The following TTLL2 variants were observed in gnomAD, a reference collection of about 807,000 sequenced individuals.
TTLL2 encodes the protein probable tubulin polyglutamylase TTLL2.
In TTLL2, 10 loss-of-function variants were observed where a neutral mutation model predicts 7.5. The observed-to-expected ratio is 1.33, with a 90% CI of 0.82 to 2.25. The LOEUF (loss-of-function observed/expected upper bound fraction) is 2.25. Ranked by LOEUF, TTLL2 falls within the 30% of genes most tolerant of loss-of-function variation. TTLL2 has a pLI of 0.00. For synonymous variants in TTLL2, 284 were observed against 280.3 expected (o/e 1.01, Z -0.13); for missense variants, 733 against 735.7 (o/e 1.00, Z 0.04).
At chr6:167,330,547 G>A (rs1291802742) in intron 1 of TTLL2, among the ~76,000 whole-genome samples, 2 of 149,302 alleles carry the variant, frequency 1.3e-5, no homozygotes, top group East Asian at 3.9e-4. Flanking sequence ...GGACAAAAGC[G>A]AAAATCCATC....
At position 167,342,515 on chromosome 6, in the gene TTLL2, G is replaced by A. The variant is rs561689838; in HGVS notation, c.*836G>A. ...TCAAAAGCAGATTGGTGGCTTAGGGGAGGGGTAATGAGGAGTGCCTACTGA... is the reference window on the plus strand; with the variant it reads ...TCAAAAGCAGATTGGTGGCTTAGGGAAGGGGTAATGAGGAGTGCCTACTGA... On this transcript the variant is annotated 3_prime_UTR_variant, in exon 3 of 3. Transcript: ENST00000239587. 6.6e-6 allele frequency among the ~76,000 whole-genome samples: 1 copy of A among 152,320 alleles called. No individual in the cohort carries two copies. Among genetic ancestry groups the A allele is most frequent in the South Asian group, 2.1e-4 (1 of 4,830 alleles).
Position 167,340,112 on chromosome 6 carries a change from C to T in TTLL2, c.212C>T (p.Pro71Leu), listed in dbSNP as rs201510912. 1.1e-5 allele frequency: 17 copies of T among 1,567,844 alleles called. No homozygotes were observed. Among genetic ancestry groups the T allele is most frequent in the Admixed American group, 1.9e-5 (1 of 53,352 alleles). Residue 71 changes from proline to leucine, a missense_variant, in exon 3 of 3, where the codon CCT becomes CTT. Pro to Leu is a moderately conservative substitution (Grantham distance 98, BLOSUM62 -3). Coordinates refer to ENST00000239587, the MANE Select transcript of TTLL2 (RefSeq NM_031949.5). Reference protein sequence around the residue: ...PTPTLEKKKKPHLMAEDEPSG... With the variant: ...PTPTLEKKKKLHLMAEDEPSG... ...TCAATGATCCATTTTTAGAAAAAAC[C>T]TCATTTGATGGCGGAAGATGAACCT...
At chr6:167,338,488 CTTA>C (rs1267854437) in intron 1 of TTLL2, among the ~76,000 whole-genome samples, 156 bp from the exon 2 acceptor site, 29 of 111,722 alleles carry the variant, frequency 2.6e-4, no homozygotes, top group African/African-American at 1.1e-3. Flanking sequence ...CTGCTTGAAA[CTTA>C]TTGATAGCAT....
intron 1 of TTLL2, among the ~76,000 whole-genome samples, chr6:167,326,185 G>C (rs1364255800): frequency 6.6e-6 from 1 of 152,048 alleles, no homozygotes; most frequent in East Asian, 1.9e-4. Context: ...CGTACACATG[G>C]GACTTGATCT....
At chr6:167,338,848 C>CTTCT (rs1779030781) in intron 2 of TTLL2, 45 bp downstream of exon 2, 2 of 1,447,108 alleles carry the variant, frequency 1.4e-6, no homozygotes, top group Non-Finnish European at 1.8e-6. Flanking sequence ...TCCTTCCTTC[C>CTTCT]TTCCTTCCTT....
At chr6:167,328,496 G>A (rs7743684) in intron 1 of TTLL2, 16,951 of 207,874 alleles carry the variant, frequency 0.082, 2,272 homozygotes, top group African/African-American at 0.3. Context: ...GACATTGACT[G>A]GTGTTCTAGC....
chr6:167,331,526 T>C (rs895458712), intron 1 of TTLL2, among the ~76,000 whole-genome samples: 2 of 152,236 alleles, frequency 1.3e-5, no homozygotes, highest in African/African-American at 4.8e-5. Context: ...CTTTCTGTTC[T>C]TGGCTTATTT....
At chr6:167,332,706 G>A (rs1464920574) in intron 1 of TTLL2, among the ~76,000 whole-genome samples, 1 of 115,594 alleles carries the variant, frequency 8.7e-6, no homozygotes, top group African/African-American at 3.5e-5. Flanking sequence ...TGAAGCAATT[G>A]TGAATGGGAG....
Position 167,341,371 on chromosome 6 carries a change from G to A in TTLL2, c.1471G>A (p.Glu491Lys), listed in dbSNP as rs201869034. The A allele has an allele frequency of 8.2e-5, 132 of 1,613,882 alleles. No individual in the cohort carries two copies. The highest frequency in any genetic ancestry group is 1.2e-4 in the Admixed American group (7 of 60,000). The change falls in exon 3 of 3, where the codon GAG (glutamate) becomes AAG (lysine). Residue 491 changes from glutamate to lysine, a missense_variant. Coordinates refer to ENST00000239587, the MANE Select transcript of TTLL2 (RefSeq NM_031949.5). The part of the protein sequence containing the change: ...EAAPASQLEG[E>K]MSGQDFHLST... ...TGCACCTGCCTCCCAGCTGGAAGGA[G>A]AGATGAGTGGGCAGGATTTTCATCT...
chr6:167,341,069 G>T lies in TTLL2; in HGVS notation c.1169G>T (p.Ser390Ile), dbSNP rs756528392. ...CCATGGCTTTTAGAGGTCAACTACA[G>T]CCCAGCCTTGACCTTGGATTGTTCA... ...LKPWLLEVNY[S>I]PALTLDCSTD... Residue 390 changes from serine to isoleucine, a missense_variant, in exon 3 of 3, where the codon AGC (serine) becomes ATC (isoleucine). By Grantham distance (142) the Ser-to-Ile change is moderately radical (BLOSUM62 -2). Coordinates refer to ENST00000239587, the MANE Select transcript of TTLL2 (RefSeq NM_031949.5). 1 of 1,613,964 alleles carries T rather than the reference G, an allele frequency of 6.2e-7. No individual in the cohort carries two copies. Among genetic ancestry groups the T allele is most frequent in the South Asian group, 1.1e-5 (1 of 91,070 alleles).
chr6:167,337,600 G>C (rs573026932), intron 1 of TTLL2, among the ~76,000 whole-genome samples: 1 of 152,160 alleles, frequency 6.6e-6, no homozygotes, highest in African/African-American at 2.4e-5. Flanking sequence ...AGTCTGGCGC[G>C]GTGTCCCCAC....
At chr6:167,339,054 TTCCC>T (rs1020023169) in intron 2 of TTLL2, among the ~76,000 whole-genome samples, 23 of 149,228 alleles carry the variant, frequency 1.5e-4, no homozygotes, top group African/African-American at 5.4e-4. Flanking sequence ...CCTTCCTTCC[TTCCC>T]TCCCTCCCTC....
intron 1 of TTLL2, among the ~76,000 whole-genome samples, chr6:167,330,111 A>G (rs1484867524): frequency 2.0e-5 from 3 of 152,188 alleles, no homozygotes; most frequent in Non-Finnish European, 4.4e-5. Context: ...CAAAGCCAAG[A>G]GGGTTAAGTT....
At chr6:167,337,549 A>G (rs1779003896) in intron 1 of TTLL2, among the ~76,000 whole-genome samples, 1 of 152,156 alleles carries the variant, frequency 6.6e-6, no homozygotes, top group South Asian at 2.1e-4. Flanking sequence ...CAAGGCTGGG[A>G]AAAGGTGGGG....
At chr6:167,337,257 G>A (rs1778999353) in intron 1 of TTLL2, among the ~76,000 whole-genome samples, 2 of 151,868 alleles carry the variant, frequency 1.3e-5, no homozygotes, top group Admixed American at 1.3e-4. Flanking sequence ...TGGGAAGGCA[G>A]ATGCGTAGTT....
intron 1 of TTLL2, among the ~76,000 whole-genome samples, chr6:167,330,985 G>A (rs9364911): frequency 0.29 from 44,615 of 152,056 alleles, 6,905 homozygotes; most frequent in East Asian, 0.57. Flanking sequence ...GGACCCAGTC[G>A]CTCCCCGGGT....
rs1779085830 is a variant in TTLL2, at chr6:167,341,122, G to C, written c.1222G>C (p.Val408Leu). ...AGATGTGTTGGTGAAGAGAAAACTT[G>C]TCCATGATATTATTGACCTGATTTA... is the stretch of plus-strand genomic sequence containing the variant. ...STDVLVKRKL[V>L]HDIIDLIYLN... The change falls in exon 3 of 3, where the codon GTC becomes CTC. Residue 408 changes from valine to leucine, a missense_variant. Val to Leu is a conservative substitution (Grantham distance 32). Transcript: ENST00000239587. 1.9e-6 allele frequency: 3 copies of C among 1,613,772 alleles called. No individual in the cohort carries two copies. The highest frequency in any genetic ancestry group is 1.3e-5 in the African/African-American group (1 of 74,794).
intron 2 of TTLL2, 151 bp from the exon 3 acceptor site, chr6:167,339,954 G>A: frequency 1.4e-6 from 1 of 736,502 alleles, no homozygotes; most frequent in Non-Finnish European, 2.2e-6. Context: ...GGGTGCATTG[G>A]TGAAGAGACG....
chr6:167,331,576 T>C (rs1583108631), intron 1 of TTLL2, among the ~76,000 whole-genome samples: 1 of 152,224 alleles, frequency 6.6e-6, no homozygotes, highest in African/African-American at 2.4e-5. Context: ...CATGATGGCA[T>C]GAATGACAGG....
Sources: gnomAD v4.1 joint callset for allele counts (sites outside exome capture counted in the v4.1 genomes callset) on GRCh38, gnomAD v4.1.1 for gene constraint, MANE v1.5 for transcripts, NCBI Gene and HGNC (gene_info 2026-07-23, HGNC 2026-07-21) for gene names.